PSMF1: variants seen among roughly 807,000 people sequenced by gnomAD.
The protein encoded by PSMF1 is proteasome inhibitor PI31 subunit.
PSMF1 carries 30 observed loss-of-function variants against 29.3 expected under a neutral mutation model. The observed-to-expected ratio is 1.02, with a 90% CI of 0.77 to 1.39. PSMF1 has a LOEUF of 1.39. PSMF1 is among the 40% of genes most tolerant of loss of function. The pLI, the probability that PSMF1 is intolerant of heterozygous loss-of-function variation, is 0.00. For synonymous variants in PSMF1, 134 were observed against 139.7 expected (o/e 0.96, Z 0.29); for missense variants, 344 against 357.5 (o/e 0.96, Z 0.31).
intron 3 of PSMF1, among the ~76,000 whole-genome samples, chr20:1,134,169 A>G (rs1257410213): frequency 6.6e-6 from 1 of 151,792 alleles, no homozygotes; most frequent in Non-Finnish European, 1.5e-5. Flanking sequence ...TCTTTAGGTC[A>G]GAATTTTGGT....
At chr20:1,145,685 G>T (rs140021947) in intron 4 of PSMF1, among the ~76,000 whole-genome samples, 281 of 152,276 alleles carry the variant, frequency 1.8e-3, no homozygotes, top group African/African-American at 6.4e-3. Flanking sequence ...GAAGTGATGT[G>T]GGCCTCAGTT....
At position 1,149,565 on chromosome 20, in the gene PSMF1, C is replaced by T. The variant is rs539281611; in HGVS notation, c.552-13565C>T. 8.1e-4 allele frequency among the ~76,000 whole-genome samples: 123 copies of T among 152,274 alleles called. 1 individual carries two copies. The highest frequency in any genetic ancestry group is 2.6e-3 in the African/African-American group (107 of 41,558). ...TGAAGTAATGGGCTCACATCCTTTTCGAGAAAATGTCCGCTATGTAGCCAA... is the reference window on the plus strand; with the variant it reads ...TGAAGTAATGGGCTCACATCCTTTTTGAGAAAATGTCCGCTATGTAGCCAA... On this transcript the variant is annotated intron_variant, in intron 4 of 6. Coordinates refer to ENST00000335877, the MANE Select transcript of PSMF1 (RefSeq NM_006814.5).
intron 3 of PSMF1, among the ~76,000 whole-genome samples, chr20:1,128,345 C>A (rs777372053): frequency 7.9e-5 from 12 of 152,132 alleles, no homozygotes; most frequent in Non-Finnish European, 1.3e-4. Flanking sequence ...CTACAGGATT[C>A]TTTTTCTCTT....
At chr20:1,123,757 T>A (rs1405979331) in intron 1 of PSMF1, among the ~76,000 whole-genome samples, 1 of 152,242 alleles carries the variant, frequency 6.6e-6, no homozygotes, top group Non-Finnish European at 1.5e-5. Context: ...CACTAAAAAC[T>A]GTCAGATTGC....
chr20:1,150,668 T>G (rs1025118167), intron 4 of PSMF1, among the ~76,000 whole-genome samples: 2 of 152,204 alleles, frequency 1.3e-5, no homozygotes, highest in African/African-American at 4.8e-5. Flanking sequence ...AAGTCCTTCA[T>G]TAAATATATG....
chr20:1,118,557 C>T (rs530498439), upstream of PSMF1: 46 of 497,390 alleles, frequency 9.2e-5, 1 homozygote, highest in South Asian at 1.0e-3. Flanking sequence ...GCGTTGCCAA[C>T]CCGGCGCGCC....
chr20:1,166,410 C>T lies in PSMF1; in HGVS notation c.*1330C>T, dbSNP rs540574665. 45 of 850,262 alleles carry T rather than the reference C, an allele frequency of 5.3e-5. No individual in the cohort carries two copies. The Middle Eastern group carries it at 1.1e-3, about 21-fold the overall frequency. The allele number at this position is 850,262 out of a possible 1,614,324, so 52.7% of individuals were successfully genotyped here. A position where few individuals can be genotyped will look rare whatever the true frequency, so the allele number is the denominator to read the frequency against. ...CTGGATTCCTTCCCCTAAATTAGGA[C>T]CTATTATTTACCTGTAGGTAAGCAA... On this transcript the variant is annotated 3_prime_UTR_variant, in exon 7 of 7. Transcript: ENST00000335877.
chr20:1,128,019 C>T (rs1207530436), intron 3 of PSMF1, among the ~76,000 whole-genome samples: 7 of 152,150 alleles, frequency 4.6e-5, no homozygotes, highest in Non-Finnish European at 1.0e-4. Context: ...TCTACATTGA[C>T]ACATCATTAT....
At position 1,165,088 on chromosome 20, in the gene PSMF1, A is replaced by G. The variant is rs745426724; in HGVS notation, c.*8A>G. ...GATGACATGTACCTGTGAAGGCCTCAAGAATGTAACATCCCAGGCTTCCCT... is the reference window on the plus strand; with the variant it reads ...GATGACATGTACCTGTGAAGGCCTCGAGAATGTAACATCCCAGGCTTCCCT... On this transcript the variant is annotated 3_prime_UTR_variant, in exon 7 of 7. Transcript: ENST00000335877. The G allele has an allele frequency of 2.5e-6, 4 of 1,614,148 alleles. No individual in the cohort carries two copies. In the South Asian group the frequency reaches 4.4e-5, roughly 18 times the overall value.
intron 4 of PSMF1, among the ~76,000 whole-genome samples, chr20:1,162,333 T>C (rs1393947814): frequency 1.3e-5 from 2 of 152,208 alleles, no homozygotes; most frequent in Non-Finnish European, 2.9e-5. Flanking sequence ...TTGTTTTTTT[T>C]CACTGTTATG....
intron 3 of PSMF1, among the ~76,000 whole-genome samples, chr20:1,131,998 A>G (rs192910015): frequency 9.9e-5 from 15 of 152,256 alleles, no homozygotes; most frequent in Admixed American, 4.6e-4. Flanking sequence ...TGGATGTCCA[A>G]TGGCCCCAAC....
intron 3 of PSMF1, among the ~76,000 whole-genome samples, chr20:1,129,461 G>T (rs2086201544): frequency 6.6e-6 from 1 of 152,192 alleles, no homozygotes; most frequent in South Asian, 2.1e-4. Context: ...TCCACATTCT[G>T]GCCACTCCTC....
At chr20:1,127,895 G>A (rs1182153501) in intron 3 of PSMF1, among the ~76,000 whole-genome samples, 1 of 150,906 alleles carries the variant, frequency 6.6e-6, no homozygotes, top group Non-Finnish European at 1.5e-5. Flanking sequence ...AAGCAAAATT[G>A]AGCAGAAAGT....
At chr20:1,146,756 T>C (rs910683026) in intron 4 of PSMF1, among the ~76,000 whole-genome samples, 2 of 152,236 alleles carry the variant, frequency 1.3e-5, no homozygotes, top group Non-Finnish European at 2.9e-5. Context: ...TCAGCACATT[T>C]AGCCTCTTGA....
At chr20:1,136,495 G>A (rs184945529) in intron 4 of PSMF1, among the ~76,000 whole-genome samples, 339 of 152,308 alleles carry the variant, frequency 2.2e-3, no homozygotes, top group African/African-American at 7.9e-3. Context: ...TTCAAAACAA[G>A]TATTCTGTGA....
intron 4 of PSMF1, chr20:1,161,653 G>A: frequency 3.0e-6 from 2 of 677,600 alleles, no homozygotes; most frequent in South Asian, 3.1e-5. Context: ...GCAAGCAGGA[G>A]TATGACAAGT....
upstream of PSMF1, among the ~76,000 whole-genome samples, chr20:1,113,628 C>A (rs149265594): frequency 5.2e-3 from 794 of 152,270 alleles, 2 homozygotes; most frequent in Middle Eastern, 0.031. Flanking sequence ...TCTTTCAATA[C>A]ACTGATGCCA....
At chr20:1,123,348 C>T (rs1045660446) in intron 1 of PSMF1, among the ~76,000 whole-genome samples, 9 of 152,102 alleles carry the variant, frequency 5.9e-5, no homozygotes, top group African/African-American at 1.7e-4. Context: ...TCTTCATCTC[C>T]GGTCCCACTC....
At chr20:1,125,062 A>C (rs2086137174) in intron 1 of PSMF1, among the ~76,000 whole-genome samples, 1 of 152,246 alleles carries the variant, frequency 6.6e-6, no homozygotes, top group African/African-American at 2.4e-5. Context: ...TTTGTACATC[A>C]CTGCAGTCAG....
Sources: allele counts gnomAD v4.1 joint callset (sites outside exome capture counted in the v4.1 genomes callset), GRCh38; gene constraint gnomAD v4.1.1; transcripts MANE v1.5; gene names NCBI Gene and HGNC (gene_info 2026-07-23, HGNC 2026-07-21).